The following SLC38A6 variants were observed in gnomAD, a reference collection of about 807,000 sequenced individuals.
SLC38A6 encodes the protein solute carrier family 38 member 6.
Under a neutral mutation model 65.0 loss-of-function variants are expected in SLC38A6, and 73 were observed. The observed-to-expected ratio is 1.12, with a 90% CI of 0.93 to 1.37. The LOEUF is 1.37. SLC38A6 is among the 40% of genes most tolerant of loss of function. SLC38A6 has a pLI of 0.00. For synonymous variants in SLC38A6, 183 were observed against 178.8 expected (o/e 1.02, Z -0.19); for missense variants, 561 against 531.1 (o/e 1.06, Z -0.55).
chr14:61,032,903 A>C (rs1345082851), intron 6 of SLC38A6, among the ~76,000 whole-genome samples: 2 of 151,906 alleles, frequency 1.3e-5, no homozygotes, highest in Non-Finnish European at 2.9e-5. Flanking sequence ...CAGGTATGCT[A>C]ATTTTCTGGG....
intron 3 of SLC38A6, among the ~76,000 whole-genome samples, chr14:61,010,698 T>A (rs554000631): frequency 6.6e-6 from 1 of 152,322 alleles, no homozygotes; most frequent in South Asian, 2.1e-4. Context: ...GTTGTAGATA[T>A]GCGACATTAT....
At chr14:61,029,523 C>A (rs189759728) in intron 5 of SLC38A6, among the ~76,000 whole-genome samples, 60 of 152,270 alleles carry the variant, frequency 3.9e-4, no homozygotes, top group African/African-American at 1.1e-3. Context: ...GAAGTTCTGA[C>A]TACAAATCTT....
intron 6 of SLC38A6, chr14:61,034,381 G>A (rs2041205948): frequency 6.6e-6 from 1 of 151,728 alleles, no homozygotes. Flanking sequence ...ATTACGGTAA[G>A]AACACTTGAC....
At chr14:61,050,002 T>C (rs760024739) in intron 12 of SLC38A6, among the ~76,000 whole-genome samples, 1 of 152,134 alleles carries the variant, frequency 6.6e-6, no homozygotes, top group Non-Finnish European at 1.5e-5. Context: ...AAACGTAACA[T>C]GCACCAAGCT....
chr14:61,054,895 T>A (rs1329326693), downstream of SLC38A6, among the ~76,000 whole-genome samples: 12 of 152,120 alleles, frequency 7.9e-5, no homozygotes, highest in Non-Finnish European at 5.9e-5. Context: ...TCCAATACTA[T>A]GTTGAATAGG....
intron 5 of SLC38A6, among the ~76,000 whole-genome samples, chr14:61,024,669 T>C (rs987695190): frequency 6.6e-6 from 1 of 152,224 alleles, no homozygotes; most frequent in African/African-American, 2.4e-5. Flanking sequence ...AGGTAAGTAG[T>C]TGGTTTCACA....
At chr14:61,028,527 CCTTCCTT>C in intron 5 of SLC38A6, among the ~76,000 whole-genome samples, 1 of 152,080 alleles carries the variant, frequency 6.6e-6, no homozygotes, top group Admixed American at 6.6e-5. Context: ...TTAGTCTAAA[CCTTCCTT>C]CTGTTCTGTG....
At chr14:61,051,759 G>A (rs767973293) in intron 13 of SLC38A6, 28 bp from the exon 14 acceptor site, 16 of 1,605,212 alleles carry the variant, frequency 1.0e-5, no homozygotes, top group African/African-American at 5.4e-5. Flanking sequence ...TTTCCTCTTC[G>A]CTATATGTTT....
chr14:61,019,395 T>G, intron 4 of SLC38A6, 146 bp from the exon 5 acceptor site: 1 of 625,814 alleles, frequency 1.6e-6, no homozygotes, highest in South Asian at 2.5e-5. Flanking sequence ...TTTTATGTAT[T>G]TCAAATGACT....
At chr14:60,991,779 G>A (rs1482667953) in intron 3 of SLC38A6, among the ~76,000 whole-genome samples, 1 of 152,108 alleles carries the variant, frequency 6.6e-6, no homozygotes. Flanking sequence ...CAAGGAAGGA[G>A]GATCTACCTT....
At chr14:61,024,026 G>T (rs983776918) in intron 5 of SLC38A6, among the ~76,000 whole-genome samples, 4 of 152,160 alleles carry the variant, frequency 2.6e-5, no homozygotes, top group Non-Finnish European at 5.9e-5. Flanking sequence ...AGCAAAAAGA[G>T]AGTTGATTGA....
At chr14:60,995,521 C>T (rs760911501) in intron 3 of SLC38A6, among the ~76,000 whole-genome samples, 5 of 151,896 alleles carry the variant, frequency 3.3e-5, no homozygotes, top group African/African-American at 1.2e-4. Context: ...GTCTACAGAG[C>T]TAATGTACAG....
At chr14:61,015,034 G>A (rs2039891709) in intron 3 of SLC38A6, among the ~76,000 whole-genome samples, 1 of 152,222 alleles carries the variant, frequency 6.6e-6, no homozygotes, top group African/African-American at 2.4e-5. Context: ...GCTCCACCCA[G>A]TTCGAGCTTC....
chr14:61,002,346 AG>A (rs1443789697), intron 3 of SLC38A6: 1 of 152,220 alleles, frequency 6.6e-6, no homozygotes, highest in East Asian at 1.9e-4. Flanking sequence ...CAAAAAAAAA[AG>A]ATCAGAGGAA....
chr14:61,026,601 A>T (rs551416779), intron 5 of SLC38A6, among the ~76,000 whole-genome samples: 11 of 152,136 alleles, frequency 7.2e-5, no homozygotes, highest in African/African-American at 2.6e-4. Flanking sequence ...AAAAAAGAAA[A>T]ATAATTCTGA....
chr14:61,043,238 T>C (rs755613760), intron 9 of SLC38A6, 26 bp downstream of exon 9: 3 of 1,364,790 alleles, frequency 2.2e-6, no homozygotes, highest in African/African-American at 2.9e-5. Context: ...TTCTTTTCAG[T>C]TTCTTCCTTT....
At chr14:60,982,331 G>A in intron 1 of SLC38A6, 177 bp from the exon 2 acceptor site, 1 of 728,288 alleles carries the variant, frequency 1.4e-6, no homozygotes, top group South Asian at 1.5e-5. Context: ...TGGAGCTGCA[G>A]TAGTGGGAGG....
chr14:61,065,379 C>T (rs1478147713), intron 15 of SLC38A6, among the ~76,000 whole-genome samples: 1 of 152,124 alleles, frequency 6.6e-6, no homozygotes. Flanking sequence ...AAAGCAGAAA[C>T]GAATTATCCA....
chr14:61,030,475 CAG>C lies in SLC38A6; in HGVS notation c.437_438del (p.Glu146AlafsTer14), dbSNP rs1273898133. 6.2e-7 allele frequency: 1 copy of C among 1,610,598 alleles called. No homozygotes were observed. Among genetic ancestry groups the C allele is most frequent in the East Asian group, 2.2e-5 (1 of 44,722 alleles). ...TCATCTTATCTTTTAATTATTAAAA[CAG>C]AGCTTCCTGCTGCTATTGCAGAATT... On this transcript the variant is annotated frameshift_variant, in exon 6 of 16. Coordinates refer to ENST00000267488, the MANE Select transcript of SLC38A6 (RefSeq NM_153811.3). LOFTEE classifies it high-confidence loss of function.
Sources: gnomAD v4.1 joint callset for allele counts (sites outside exome capture counted in the v4.1 genomes callset) on GRCh38, gnomAD v4.1.1 for gene constraint, MANE v1.5 for transcripts, NCBI Gene and HGNC (gene_info 2026-07-23, HGNC 2026-07-21) for gene names.